The following GARIN1B variants were observed in gnomAD, a reference collection of about 807,000 sequenced individuals.
The protein encoded by GARIN1B is golgi associated RAB2 interactor 1B.
chr7:128,723,396 C>T, the GARIN1B span: 2 of 1,546,448 alleles, frequency 1.3e-6, no homozygotes, highest in East Asian at 4.7e-5. Context: ...ATCCAGAAAC[C>T]AAATAGCTTG....
the GARIN1B span, among the ~76,000 whole-genome samples, chr7:128,728,105 G>A: frequency 1.2e-4 from 18 of 152,104 alleles, no homozygotes; most frequent in Admixed American, 2.6e-4. Flanking sequence ...GCTAACTTTC[G>A]TCTAAATCAG....
chr7:128,718,679 C>A, the GARIN1B span: 1 of 893,150 alleles, frequency 1.1e-6, no homozygotes, highest in Non-Finnish European at 1.7e-6. Context: ...TGTATTTGGT[C>A]TCCCCAACAA....
At chr7:128,711,021 A>G in the GARIN1B span, among the ~76,000 whole-genome samples, 4 of 152,064 alleles carry the variant, frequency 2.6e-5, no homozygotes, top group South Asian at 6.2e-4. Context: ...TGGTATCTCT[A>G]TATTTTTGTT....
chr7:128,711,658 G>GACACACACACAC, the GARIN1B span, among the ~76,000 whole-genome samples: 10 of 144,870 alleles, frequency 6.9e-5, no homozygotes, highest in African/African-American at 2.5e-4. Context: ...TGGTTTTACA[G>GACACACACACAC]ACACACACAC....
the GARIN1B span, among the ~76,000 whole-genome samples, chr7:128,718,595 C>A: frequency 2.0e-5 from 3 of 152,162 alleles, no homozygotes; most frequent in African/African-American, 7.2e-5. Context: ...ATTCCAGGGC[C>A]ACACCCAATT....
chr7:128,721,342 T>C, the GARIN1B span, among the ~76,000 whole-genome samples: 1 of 152,224 alleles, frequency 6.6e-6, no homozygotes, highest in Admixed American at 6.5e-5. Flanking sequence ...TTTTCCTAAG[T>C]ATCTTATTGT....
chr7:128,709,634 C>T, the GARIN1B span, among the ~76,000 whole-genome samples: 1 of 151,310 alleles, frequency 6.6e-6, no homozygotes, highest in Admixed American at 6.6e-5. Context: ...AGACTGTCTG[C>T]TTCTTCTTTC....
chr7:128,727,588 G>A, the GARIN1B span, among the ~76,000 whole-genome samples: 5 of 152,098 alleles, frequency 3.3e-5, no homozygotes, highest in East Asian at 1.9e-4. Flanking sequence ...CACTCAATTC[G>A]GCATGCATGG....
the GARIN1B span, among the ~76,000 whole-genome samples, chr7:128,720,203 C>CTT: frequency 2.9e-3 from 407 of 139,270 alleles, 3 homozygotes; most frequent in African/African-American, 6.2e-3. Context: ...TTTCCTTCTT[C>CTT]TTTTTTTTTT....
chr7:128,713,814 T>C, the GARIN1B span: 1 of 486,222 alleles, frequency 2.1e-6, no homozygotes, highest in Admixed American at 3.3e-5. Flanking sequence ...ATACTCAAAT[T>C]GTATATCTAA....
chr7:128,718,797 G>C, the GARIN1B span: 3 of 1,605,540 alleles, frequency 1.9e-6, no homozygotes, highest in Admixed American at 5.0e-5. Flanking sequence ...GATGCAATAG[G>C]GTTGTCAGTG....
At chr7:128,730,075 G>A in the GARIN1B span, 4 of 1,610,230 alleles carry the variant, frequency 2.5e-6, no homozygotes, top group African/African-American at 4.0e-5. Context: ...CATAGGTACA[G>A]CAATGGGAGG....
chr7:128,729,852 G>C, the GARIN1B span: 1 of 1,586,974 alleles, frequency 6.3e-7, no homozygotes, highest in African/African-American at 1.3e-5. Flanking sequence ...TAACCTGTAA[G>C]GGCTCTGTGA....
chr7:128,727,951 A>T, the GARIN1B span, among the ~76,000 whole-genome samples: 1 of 152,250 alleles, frequency 6.6e-6, no homozygotes, highest in Non-Finnish European at 1.5e-5. Context: ...CATGAAGCAG[A>T]GGCCTGAGAA....
chr7:128,727,217 G>C, the GARIN1B span, among the ~76,000 whole-genome samples: 1 of 152,180 alleles, frequency 6.6e-6, no homozygotes, highest in South Asian at 2.1e-4. Context: ...GCCAGTTACT[G>C]TGATGGGCTC....
the GARIN1B span, among the ~76,000 whole-genome samples, chr7:128,710,740 A>T: frequency 2.7e-5 from 4 of 150,706 alleles, no homozygotes; most frequent in African/African-American, 9.8e-5. Flanking sequence ...GCTGGAGTGC[A>T]ATGACGCAAT....
the GARIN1B span, chr7:128,715,135 G>A: frequency 5.0e-6 from 2 of 402,726 alleles, no homozygotes; most frequent in Non-Finnish European, 6.7e-6. Flanking sequence ...CTTCCTGACA[G>A]CCCTCCTTGC....
the GARIN1B span, among the ~76,000 whole-genome samples, chr7:128,720,431 C>T: frequency 1.3e-5 from 2 of 152,118 alleles, no homozygotes; most frequent in Admixed American, 6.6e-5. Flanking sequence ...AACTCCTGAC[C>T]TCAAGTGATC....
At chr7:128,715,867 G>A in the GARIN1B span, among the ~76,000 whole-genome samples, 3 of 152,302 alleles carry the variant, frequency 2.0e-5, no homozygotes, top group East Asian at 3.9e-4. Flanking sequence ...AGCCCCAGAC[G>A]GGGCTTCTCC....
Sources: gnomAD v4.1 joint callset for allele counts (sites outside exome capture counted in the v4.1 genomes callset) on GRCh38, gnomAD v4.1.1 for gene constraint, MANE v1.5 for transcripts, NCBI Gene and HGNC (gene_info 2026-07-23, HGNC 2026-07-21) for gene names.